EYS: variants seen among roughly 807,000 people sequenced by gnomAD.
EYS encodes the protein protein eyes shut homolog.
A neutral mutation model predicts 282.1 loss-of-function variants in EYS; 250 were observed. The ratio of observed to expected loss-of-function variants is 0.89; its 90% CI spans 0.80 to 0.98. The LOEUF (loss-of-function observed/expected upper bound fraction) is 0.98, where lower values mean the gene tolerates loss of function less well. EYS is among the 50% of genes least tolerant of loss of function. The pLI, the probability that EYS is intolerant of heterozygous loss-of-function variation, is 0.00. For missense variants in EYS, 4,016 were observed against 3,709.0 expected, an observed-to-expected ratio of 1.08 and a Z score of -2.15; for synonymous variants, 1,355 against 1,282.9, an observed-to-expected ratio of 1.06 and a Z score of -1.20.
intron 31 of EYS, among the ~76,000 whole-genome samples, chr6:64,145,506 T>C (rs1268984098): frequency 6.6e-6 from 1 of 152,212 alleles, no homozygotes; most frequent in Non-Finnish European, 1.5e-5. Flanking sequence ...CCTTTATTTG[T>C]CAAATTCTTT....
intron 12 of EYS, among the ~76,000 whole-genome samples, chr6:65,280,355 T>C (rs1364664775): frequency 6.6e-6 from 1 of 152,158 alleles, no homozygotes; most frequent in African/African-American, 2.4e-5. Context: ...CAAATGTCTG[T>C]ATCAGACATG....
At chr6:64,685,268 TGGAC>T (rs1413496792) in intron 22 of EYS, among the ~76,000 whole-genome samples, 7 of 148,180 alleles carry the variant, frequency 4.7e-5, no homozygotes, top group Non-Finnish European at 8.9e-5. Context: ...TAATTATAGT[TGGAC>T]ATTTCAAAGA....
intron 22 of EYS, among the ~76,000 whole-genome samples, chr6:64,790,027 A>G (rs1774141970): frequency 6.6e-6 from 1 of 151,932 alleles, no homozygotes; most frequent in African/African-American, 2.4e-5. Flanking sequence ...TCCTTATAAA[A>G]ACAGCCAATA....
intron 26 of EYS, among the ~76,000 whole-genome samples, chr6:64,505,610 T>G (rs1280312510): frequency 6.6e-6 from 1 of 152,194 alleles, no homozygotes; most frequent in Non-Finnish European, 1.5e-5. Context: ...CTTGTCTTTT[T>G]ATTTTTTTGT....
At chr6:64,704,373 A>G (rs1028788013) in intron 22 of EYS, among the ~76,000 whole-genome samples, 4 of 146,472 alleles carry the variant, frequency 2.7e-5, no homozygotes, top group African/African-American at 7.5e-5. Flanking sequence ...TTTCTTATAC[A>G]GCAATAAAAT....
intron 30 of EYS, among the ~76,000 whole-genome samples, chr6:64,273,000 G>T (rs534366906): frequency 6.6e-6 from 1 of 151,562 alleles, no homozygotes; most frequent in Admixed American, 6.6e-5. Context: ...TTTTCTTTTC[G>T]GTTTTCTATG....
intron 21 of EYS, among the ~76,000 whole-genome samples, chr6:64,820,138 A>C (rs1341099617): frequency 2.0e-5 from 3 of 152,042 alleles, no homozygotes; most frequent in African/African-American, 7.2e-5. Context: ...ATAGCTATTA[A>C]AAAGAATGAA....
intron 5 of EYS, among the ~76,000 whole-genome samples, chr6:65,442,995 TG>T (rs1768427259): frequency 9.3e-6 from 1 of 107,112 alleles, no homozygotes; most frequent in Admixed American, 1.1e-4. Flanking sequence ...TGTGCGTATA[TG>T]TATATATGTA....
intron 15 of EYS, among the ~76,000 whole-genome samples, chr6:64,914,695 A>G (rs1208642991): frequency 1.3e-5 from 2 of 152,122 alleles, no homozygotes; most frequent in African/African-American, 2.4e-5. Flanking sequence ...AATAAAAACC[A>G]AAATGAATAA....
At chr6:63,836,839 T>C (rs1771821183) in intron 36 of EYS, among the ~76,000 whole-genome samples, 1 of 152,070 alleles carries the variant, frequency 6.6e-6, no homozygotes, top group Non-Finnish European at 1.5e-5. Context: ...AAATATTTAG[T>C]AGTCTGCTAA....
chr6:64,095,083 C>T (rs919909936), intron 31 of EYS, among the ~76,000 whole-genome samples: 15 of 152,106 alleles, frequency 9.9e-5, no homozygotes, highest in Non-Finnish European at 1.3e-4. Flanking sequence ...TTTCTTAATC[C>T]TGAGTTCTAG....
intron 2 of EYS, among the ~76,000 whole-genome samples, chr6:65,629,513 C>G (rs139120165): frequency 6.6e-6 from 1 of 152,276 alleles, no homozygotes; most frequent in African/African-American, 2.4e-5. Context: ...TCCAGCAGAA[C>G]AGCTGATGCC....
chr6:65,037,794 A>C (rs1392333649), intron 13 of EYS, among the ~76,000 whole-genome samples: 10 of 151,712 alleles, frequency 6.6e-5, no homozygotes, highest in Admixed American at 6.6e-4. Flanking sequence ...AATCTTATCC[A>C]ATCATCCAAA....
At chr6:64,855,986 T>A (rs1483219521) in intron 19 of EYS, among the ~76,000 whole-genome samples, 1 of 152,106 alleles carries the variant, frequency 6.6e-6, no homozygotes, top group African/African-American at 2.4e-5. Flanking sequence ...ATTTTACTGA[T>A]GTACTGGTTT....
intron 22 of EYS, among the ~76,000 whole-genome samples, chr6:64,773,020 T>G (rs1773569999): frequency 6.6e-6 from 1 of 151,686 alleles, no homozygotes; most frequent in African/African-American, 2.4e-5. Flanking sequence ...TGTGGACAGG[T>G]TTGTTACATG....
In EYS at chr6:65,005,391, G is replaced by A. The variant is rs958812208; in HGVS notation, c.2138-7688C>T. ...CCCAAGATTCCATTCCTCGGAATCC[G>A]TGAGGCCAAGAGCCCCAGGTCAGAG... On this transcript the variant is annotated intron_variant, in intron 13 of 42. Transcript: ENST00000503581. Among the ~76,000 whole-genome samples the A allele has an allele frequency of 6.1e-5, 9 of 147,340 alleles. 1 individual carries two copies. Among genetic ancestry groups the A allele is most frequent in the East Asian group, 2.1e-4 (1 of 4,712 alleles).
At chr6:65,297,672 A>AT (rs1388492711) in intron 11 of EYS, among the ~76,000 whole-genome samples, 3 of 151,980 alleles carry the variant, frequency 2.0e-5, no homozygotes, top group Non-Finnish European at 4.4e-5. Context: ...TATTGAATGC[A>AT]TTTTTTACTG....
At chr6:64,387,338 A>G (rs1227592831) in intron 29 of EYS, among the ~76,000 whole-genome samples, 1 of 152,118 alleles carries the variant, frequency 6.6e-6, no homozygotes, top group Non-Finnish European at 1.5e-5. Flanking sequence ...GCATGTTTAT[A>G]TTTATAATAA....
chr6:64,331,628 A>G (rs1389309457), intron 29 of EYS, among the ~76,000 whole-genome samples: 1 of 146,492 alleles, frequency 6.8e-6, no homozygotes, highest in Non-Finnish European at 1.5e-5. Context: ...AAGTTTCATC[A>G]AGGAATGCAT....
Sources: allele counts gnomAD v4.1 joint callset (sites outside exome capture counted in the v4.1 genomes callset), GRCh38; gene constraint gnomAD v4.1.1; transcripts MANE v1.5; gene names NCBI Gene and HGNC (gene_info 2026-07-23, HGNC 2026-07-21).